Variants in FHOD3 observed in about 807,000 individuals in gnomAD.
The protein encoded by FHOD3 is FH1/FH2 domain-containing protein 3.
Under a neutral mutation model 173.0 loss-of-function variants are expected in FHOD3, and 90 were observed. The observed-to-expected ratio is 0.52, with a 90% CI of 0.44 to 0.62. The LOEUF (loss-of-function observed/expected upper bound fraction) is 0.62, where lower values mean the gene tolerates loss of function less well. FHOD3 is among the 20% of genes least tolerant of loss of function. The probability of loss-of-function intolerance (pLI) is 0.00; values close to 1 mark genes in which losing one functional copy is unlikely to be tolerated. For missense variants in FHOD3, 1,945 were observed against 2,034.7 expected, an observed-to-expected ratio of 0.96 and a Z score of 0.85; for synonymous variants, 828 against 823.0, an observed-to-expected ratio of 1.01 and a Z score of -0.10.
intron 2 of FHOD3, among the ~76,000 whole-genome samples, chr18:36,370,134 C>T (rs1026983916): frequency 2.0e-5 from 3 of 152,146 alleles, no homozygotes; most frequent in Admixed American, 2.0e-4. Flanking sequence ...TCTTCCTTAG[C>T]TGGTCCCCTC....
chr18:36,568,183 AATAAAT>A (rs934468196), intron 5 of FHOD3, among the ~76,000 whole-genome samples: 3 of 91,908 alleles, frequency 3.3e-5, no homozygotes, highest in African/African-American at 1.2e-4. Context: ...AAAAAAAAAA[AATAAAT>A]TAGCCAGGCA....
chr18:36,629,973 G>T (rs572040068), intron 10 of FHOD3, among the ~76,000 whole-genome samples: 2 of 152,152 alleles, frequency 1.3e-5, no homozygotes, highest in South Asian at 4.1e-4. Flanking sequence ...TCTACTTAGT[G>T]CAGGATAGCC....
intron 16 of FHOD3, among the ~76,000 whole-genome samples, chr18:36,690,637 G>A (rs938400028): frequency 7.9e-5 from 12 of 152,042 alleles, no homozygotes; most frequent in African/African-American, 2.2e-4. Context: ...CCAGCCCACC[G>A]CCTTCACCAC....
intron 3 of FHOD3, among the ~76,000 whole-genome samples, chr18:36,427,653 T>C (rs2050321456): frequency 6.6e-6 from 1 of 152,254 alleles, no homozygotes; most frequent in Non-Finnish European, 1.5e-5. Context: ...TATGGATCAC[T>C]CTCCAAATGG....
At chr18:36,660,956 G>A (rs902210362) in intron 14 of FHOD3, among the ~76,000 whole-genome samples, 7 of 152,196 alleles carry the variant, frequency 4.6e-5, no homozygotes, top group Non-Finnish European at 8.8e-5. Context: ...GCTTCTAAGA[G>A]TCTATCACCT....
chr18:36,449,591 A>AT (rs2051703001), intron 3 of FHOD3, among the ~76,000 whole-genome samples: 1 of 152,086 alleles, frequency 6.6e-6, no homozygotes, highest in African/African-American at 2.4e-5. Flanking sequence ...ACAGAGTTTT[A>AT]CTCTAGGAGA....
intron 16 of FHOD3, 124 bp from the exon 17 acceptor site, chr18:36,693,085 A>G: frequency 1.1e-6 from 1 of 930,788 alleles, no homozygotes; most frequent in Non-Finnish European, 1.6e-6. Context: ...CTCTCCAGCC[A>G]GCCCTGCACT....
At chr18:36,322,430 G>A (rs1287948729) in intron 1 of FHOD3, among the ~76,000 whole-genome samples, 1 of 152,122 alleles carries the variant, frequency 6.6e-6, no homozygotes, top group Non-Finnish European at 1.5e-5. Context: ...CTCAGGTAAG[G>A]CCCCTTCTGT....
At chr18:36,425,844 T>C (rs1012487474) in intron 3 of FHOD3, among the ~76,000 whole-genome samples, 1 of 152,174 alleles carries the variant, frequency 6.6e-6, no homozygotes, top group Non-Finnish European at 1.5e-5. Flanking sequence ...CACATACTTA[T>C]ATGCATGTGA....
At chr18:36,618,310 G>GT (rs1465774220) in intron 9 of FHOD3, among the ~76,000 whole-genome samples, 970 of 85,022 alleles carry the variant, frequency 0.011, 40 homozygotes, top group African/African-American at 0.035. Flanking sequence ...GTTTTTTGGT[G>GT]GTTTTTTTTT....
intron 1 of FHOD3, among the ~76,000 whole-genome samples, chr18:36,337,032 G>A (rs2045352691): frequency 6.6e-6 from 1 of 151,340 alleles, no homozygotes; most frequent in African/African-American, 2.4e-5. Context: ...AATCAGATGG[G>A]CGTGGTGGTA....
intron 1 of FHOD3, among the ~76,000 whole-genome samples, chr18:36,298,966 G>C (rs1160451476): frequency 6.6e-6 from 1 of 151,954 alleles, no homozygotes; most frequent in African/African-American, 2.4e-5. Context: ...TCATATCAAA[G>C]CTTGGAGATG....
At chr18:36,315,391 T>G (rs1026405665) in intron 1 of FHOD3, among the ~76,000 whole-genome samples, 3 of 152,102 alleles carry the variant, frequency 2.0e-5, no homozygotes, top group African/African-American at 7.2e-5. Context: ...GGATCCCAGA[T>G]TTGCTCCCTG....
intron 20 of FHOD3, among the ~76,000 whole-genome samples, chr18:36,735,941 A>G (rs1424256917): frequency 6.6e-6 from 1 of 152,256 alleles, no homozygotes; most frequent in East Asian, 1.9e-4. Context: ...TCCAAAATAC[A>G]TGACTTTCAG....
rs116872219 is a variant in FHOD3, at chr18:36,705,884, T to C, written c.2237-3211T>C. On this transcript the variant is annotated intron_variant, in intron 17 of 28. Coordinates refer to ENST00000590592, the MANE Select transcript of FHOD3 (RefSeq NM_001281740.3). ...TTCCTCGGGACTTGGTGGGTATAAA[T>C]GAGACGTTTTCCTGCATTTTCCCAG... Among the ~76,000 whole-genome samples, 1,027 of 152,062 alleles carry C rather than the reference T, an allele frequency of 6.8e-3. 5 individuals are homozygous for C. Among genetic ancestry groups the C allele is most frequent in the Non-Finnish European group, 0.012 (794 of 67,992 alleles).
intron 2 of FHOD3, among the ~76,000 whole-genome samples, chr18:36,371,078 C>G (rs1249638097): frequency 7.2e-5 from 11 of 152,140 alleles, no homozygotes; most frequent in Admixed American, 7.2e-4. Context: ...TGGCTGCAAG[C>G]TTCTTGAGAC....
Position 36,576,524 on chromosome 18 carries a change from G to A in FHOD3, c.585G>A (p.Leu195=), listed in dbSNP as rs776406483. ...ACCGCAATGAAACCATTCAGTGGCT[G>A]TACACTCTCATTGGGTCAAAGGTAA... is the stretch of plus-strand genomic sequence containing the variant. The part of the protein sequence containing the change: ...VINRNETIQW[L]YTLIGSKFRL... Residue 195 remains leucine, a synonymous_variant, in exon 6 of 29, where the codon CTG becomes CTA. Transcript: ENST00000590592. 9 of 1,613,304 alleles carry A rather than the reference G, an allele frequency of 5.6e-6. No individual in the cohort carries two copies.
chr18:36,679,669 T>C (rs924610558), intron 14 of FHOD3, among the ~76,000 whole-genome samples: 3 of 152,182 alleles, frequency 2.0e-5, no homozygotes, highest in Non-Finnish European at 4.4e-5. Flanking sequence ...TGTTTTAGTT[T>C]TTCCAATTAT....
At chr18:36,403,115 G>C (rs904687570) in intron 3 of FHOD3, among the ~76,000 whole-genome samples, 5 of 152,170 alleles carry the variant, frequency 3.3e-5, no homozygotes, top group African/African-American at 1.2e-4. Context: ...AATCCTCTAA[G>C]ACCAGAGCTG....
Sources: gnomAD v4.1 joint callset for allele counts (sites outside exome capture counted in the v4.1 genomes callset) on GRCh38, gnomAD v4.1.1 for gene constraint, MANE v1.5 for transcripts, NCBI Gene and HGNC (gene_info 2026-07-23, HGNC 2026-07-21) for gene names.